Variants in SMOC2 observed in about 807,000 individuals in gnomAD.
SMOC2 encodes SPARC-related modular calcium-binding protein 2.
Under a neutral mutation model 61.4 loss-of-function variants are expected in SMOC2, and 39 were observed. That is an observed-to-expected ratio of 0.64 (90% CI 0.49 to 0.83). SMOC2 has a LOEUF of 0.83. Ranked by LOEUF, SMOC2 falls within the 40% of genes least tolerant of loss-of-function variation. The pLI is 0.00. For missense variants in SMOC2, 556 were observed against 592.9 expected (o/e 0.94, Z 0.65); for synonymous variants, 247 against 239.9 (o/e 1.03, Z -0.27).
At chr6:168,547,192 C>T in intron 6 of SMOC2, 23 bp downstream of exon 6, 1 of 1,611,192 alleles carries the variant, frequency 6.2e-7, no homozygotes, top group Non-Finnish European at 8.5e-7. Flanking sequence ...GGGGATTGCA[C>T]AGTCTGGGTT....
intron 8 of SMOC2, among the ~76,000 whole-genome samples, chr6:168,607,749 T>A (rs1031397922): frequency 1.3e-5 from 1 of 74,584 alleles, no homozygotes; most frequent in Non-Finnish European, 2.8e-5. Context: ...GTGCACACAC[T>A]CCTGCTCTGA....
chr6:168,596,830 T>C (rs1785346736), intron 7 of SMOC2, among the ~76,000 whole-genome samples: 1 of 152,280 alleles, frequency 6.6e-6, no homozygotes, highest in Non-Finnish European at 1.5e-5. Context: ...TTTTGTTTTA[T>C]GCACCTGTGC....
At chr6:168,645,056 G>T (rs1045549683) in intron 9 of SMOC2, among the ~76,000 whole-genome samples, 4 of 152,174 alleles carry the variant, frequency 2.6e-5, no homozygotes, top group Non-Finnish European at 5.9e-5. Flanking sequence ...TTAAAATCCT[G>T]GTTCCTAACA....
chr6:168,664,336 A>G (rs1787598176), intron 12 of SMOC2: 1 of 550,358 alleles, frequency 1.8e-6, no homozygotes, highest in African/African-American at 2.1e-5. Context: ...TTATTATTTG[A>G]ACTTTCATTT....
chr6:168,488,163 T>G (rs1209261771), intron 1 of SMOC2, among the ~76,000 whole-genome samples: 1 of 152,216 alleles, frequency 6.6e-6, no homozygotes, highest in Non-Finnish European at 1.5e-5. Flanking sequence ...TCTGGGTGAT[T>G]GCAGGCCTGC....
chr6:168,576,974 G>T (rs894435097), intron 7 of SMOC2, among the ~76,000 whole-genome samples: 2 of 152,236 alleles, frequency 1.3e-5, no homozygotes, highest in Admixed American at 1.3e-4. Flanking sequence ...GATTTTCCCA[G>T]AAGGAATCCC....
intron 1 of SMOC2, among the ~76,000 whole-genome samples, chr6:168,503,019 G>A (rs1001024303): frequency 6.8e-6 from 1 of 146,456 alleles, no homozygotes; most frequent in Non-Finnish European, 1.5e-5. Context: ...GCCTGCCTTG[G>A]CCTCCCAAAG....
chr6:168,664,479 C>A, intron 12 of SMOC2: 1 of 410,230 alleles, frequency 2.4e-6, no homozygotes, highest in Non-Finnish European at 4.6e-6. Flanking sequence ...AAGCAATCCA[C>A]CTGGGATTAC....
chr6:168,598,752 A>G, intron 7 of SMOC2, 66 bp from the exon 8 acceptor site: 2 of 1,561,478 alleles, frequency 1.3e-6, no homozygotes, highest in Non-Finnish European at 1.8e-6. Flanking sequence ...GTGGCCTCCC[A>G]AGAGCTCTGC....
intron 7 of SMOC2, among the ~76,000 whole-genome samples, chr6:168,575,948 G>A (rs1033344962): frequency 5.3e-5 from 8 of 151,936 alleles, no homozygotes; most frequent in Non-Finnish European, 7.3e-5. Flanking sequence ...CCTGCCTGTC[G>A]GCCACATGCT....
intron 1 of SMOC2, among the ~76,000 whole-genome samples, chr6:168,460,481 A>G (rs927315733): frequency 2.0e-5 from 3 of 152,188 alleles, no homozygotes; most frequent in African/African-American, 4.8e-5. Flanking sequence ...TTAGGGGTAG[A>G]ATATTGTAAA....
chr6:168,501,561 TG>T (rs773043340), intron 1 of SMOC2, among the ~76,000 whole-genome samples: 18 of 151,590 alleles, frequency 1.2e-4, no homozygotes, highest in Non-Finnish European at 2.7e-4. Context: ...GAATGTGAGG[TG>T]GGGGGAAGAT....
chr6:168,592,473 GGGGCC>G, intron 7 of SMOC2, among the ~76,000 whole-genome samples: 1 of 45,636 alleles, frequency 2.2e-5, no homozygotes, highest in Non-Finnish European at 4.8e-5. Flanking sequence ...GGCCTCACGA[GGGGCC>G]TCTTTCTAGA....
chr6:168,531,118 T>G (rs920581654), intron 4 of SMOC2, among the ~76,000 whole-genome samples: 1 of 152,096 alleles, frequency 6.6e-6, no homozygotes, highest in African/African-American at 2.4e-5. Flanking sequence ...CTCTGAGGGA[T>G]GCATCCAGAG....
chr6:168,626,379 G>A (rs1043444174), intron 9 of SMOC2, among the ~76,000 whole-genome samples: 4 of 152,206 alleles, frequency 2.6e-5, no homozygotes, highest in Admixed American at 2.0e-4. Flanking sequence ...CGATGTGTGC[G>A]AGATTTCTGC....
At chr6:168,641,540 A>T (rs542245858) in intron 9 of SMOC2, among the ~76,000 whole-genome samples, 20 of 152,384 alleles carry the variant, frequency 1.3e-4, no homozygotes, top group South Asian at 8.3e-4. Context: ...TCTTTAAGAT[A>T]CATATTCAGA....
At position 168,509,983 on chromosome 6, in the gene SMOC2, T is replaced by C. The variant is rs762702582; in HGVS notation, c.153T>C (p.Pro51=). The C allele has an allele frequency of 1.2e-6, 2 of 1,614,152 alleles. No individual in the cohort carries two copies. The highest frequency in any genetic ancestry group is 3.3e-5 in the Admixed American group (2 of 60,024). Residue 51 remains proline, a synonymous_variant, in exon 2 of 13, where the codon CCT becomes CCC. Transcript: ENST00000356284. ...SLDCAGSPQK[P]LCASDGRTFL... Reference sequence around the variant, plus strand: ...ACTGTGCGGGTTCGCCCCAGAAACCTCTCTGCGCATCTGACGGAAGGACCT... The same window carrying C: ...ACTGTGCGGGTTCGCCCCAGAAACCCCTCTGCGCATCTGACGGAAGGACCT...
chr6:168,563,713 G>C (rs1300968779), intron 7 of SMOC2, among the ~76,000 whole-genome samples: 1 of 152,176 alleles, frequency 6.6e-6, no homozygotes, highest in East Asian at 1.9e-4. Flanking sequence ...CTGTGAACCA[G>C]GGAATGGGTC....
intron 8 of SMOC2, among the ~76,000 whole-genome samples, chr6:168,606,018 C>T (rs1785677306): frequency 6.6e-6 from 1 of 152,180 alleles, no homozygotes; most frequent in Non-Finnish European, 1.5e-5. Context: ...CCCTGAGACA[C>T]TGACCCGGAG....
Sources: allele counts gnomAD v4.1 joint callset (sites outside exome capture counted in the v4.1 genomes callset), GRCh38; gene constraint gnomAD v4.1.1; transcripts MANE v1.5; gene names NCBI Gene and HGNC (gene_info 2026-07-23, HGNC 2026-07-21).